Variants in NALF1 observed in about 807,000 individuals in gnomAD.
The protein encoded by NALF1 is family with sequence similarity 155 member A.
A neutral mutation model predicts 48.4 loss-of-function variants in NALF1; 3 were observed. The observed-to-expected ratio is 0.06, with a 90% CI of 0.03 to 0.16. The LOEUF (loss-of-function observed/expected upper bound fraction) is 0.16, where lower values mean the gene tolerates loss of function less well. NALF1 is among the 10% of genes least tolerant of loss of function. The pLI, the probability that NALF1 is intolerant of heterozygous loss-of-function variation, is 1.00. For missense variants in NALF1, 526 were observed against 571.5 expected (o/e 0.92, Z 0.81); for synonymous variants, 262 against 245.7 (o/e 1.07, Z -0.62).
intron 1 of NALF1, among the ~76,000 whole-genome samples, chr13:107,654,994 T>C (rs1880539463): frequency 6.6e-6 from 1 of 152,106 alleles, no homozygotes; most frequent in Non-Finnish European, 1.5e-5. Context: ...AGAAGGGACA[T>C]ACCTTAAGGT....
At chr13:107,579,605 T>TTTTC (rs1166213248) in intron 1 of NALF1, among the ~76,000 whole-genome samples, 12 of 86,366 alleles carry the variant, frequency 1.4e-4, no homozygotes, top group Non-Finnish European at 2.3e-4. Context: ...CTTTTCTTTT[T>TTTTC]AACCTTAAAT....
chr13:107,808,951 A>G (rs1308282514), intron 1 of NALF1, among the ~76,000 whole-genome samples: 2 of 152,142 alleles, frequency 1.3e-5, no homozygotes, highest in Non-Finnish European at 2.9e-5. Context: ...ACCTGCTTAT[A>G]TGAACTTCAA....
chr13:107,279,299 G>A (rs1017023952), intron 1 of NALF1, among the ~76,000 whole-genome samples: 1 of 151,428 alleles, frequency 6.6e-6, no homozygotes, highest in East Asian at 1.9e-4. Flanking sequence ...CTTGTTGCCC[G>A]GGCTGGAGGG....
At chr13:107,199,768 C>A (rs74983483) in intron 2 of NALF1, among the ~76,000 whole-genome samples, 2,430 of 152,284 alleles carry the variant, frequency 0.016, 65 homozygotes, top group African/African-American at 0.055. Flanking sequence ...ACAGCTTTGA[C>A]ATGAAATACT....
At chr13:107,486,024 A>G (rs1320678791) in intron 1 of NALF1, among the ~76,000 whole-genome samples, 2 of 152,202 alleles carry the variant, frequency 1.3e-5, no homozygotes, top group Non-Finnish European at 2.9e-5. Flanking sequence ...ATTTTTCCAT[A>G]CATTTGTGAA....
At chr13:107,316,207 T>G (rs1055140014) in intron 1 of NALF1, among the ~76,000 whole-genome samples, 9 of 152,184 alleles carry the variant, frequency 5.9e-5, no homozygotes, top group Admixed American at 5.9e-4. Flanking sequence ...TTCATCCATG[T>G]CCCTACAAAG....
At chr13:107,248,388 A>C (rs1880628703) in intron 1 of NALF1, among the ~76,000 whole-genome samples, 1 of 151,972 alleles carries the variant, frequency 6.6e-6, no homozygotes, top group Non-Finnish European at 1.5e-5. Flanking sequence ...TGGTTTAGTT[A>C]TCCAACTGCT....
chr13:107,440,044 T>C (rs774343405), intron 1 of NALF1, among the ~76,000 whole-genome samples: 12 of 152,332 alleles, frequency 7.9e-5, no homozygotes, highest in Middle Eastern at 3.4e-3. Flanking sequence ...TCTGATTTTG[T>C]CCATTATAAC....
At chr13:107,719,867 T>C (rs1482535455) in intron 1 of NALF1, among the ~76,000 whole-genome samples, 1 of 152,188 alleles carries the variant, frequency 6.6e-6, no homozygotes, top group East Asian at 1.9e-4. Context: ...TTGCCGAACT[T>C]CATTGCAAAT....
intron 1 of NALF1, among the ~76,000 whole-genome samples, chr13:107,792,946 T>G (rs1878294981): frequency 6.6e-6 from 1 of 152,166 alleles, no homozygotes; most frequent in Non-Finnish European, 1.5e-5. Flanking sequence ...GCACTAGGAT[T>G]ACAGGCGTGA....
At chr13:107,587,221 T>G (rs970729832) in intron 1 of NALF1, among the ~76,000 whole-genome samples, 2 of 152,060 alleles carry the variant, frequency 1.3e-5, no homozygotes, top group African/African-American at 4.8e-5. Context: ...CTCACAAGGC[T>G]TATAAGAGTT....
chr13:107,803,573 T>C (rs1878685313), intron 1 of NALF1, among the ~76,000 whole-genome samples: 1 of 152,154 alleles, frequency 6.6e-6, no homozygotes, highest in African/African-American at 2.4e-5. Context: ...TTGTACAGAA[T>C]TGTATCATGT....
chr13:107,795,385 C>CTATTTT (rs1878388537), intron 1 of NALF1, among the ~76,000 whole-genome samples: 2 of 152,018 alleles, frequency 1.3e-5, no homozygotes, highest in South Asian at 4.1e-4. Flanking sequence ...GAGTTAGGTG[C>CTATTTT]TATTTTTTTT....
At chr13:107,535,628 T>A (rs1876780387) in intron 1 of NALF1, among the ~76,000 whole-genome samples, 1 of 152,136 alleles carries the variant, frequency 6.6e-6, no homozygotes, top group Admixed American at 6.6e-5. Flanking sequence ...GAAGAATCAA[T>A]ATTGTGAAAA....
At chr13:107,655,546 G>A (rs1880554802) in intron 1 of NALF1, among the ~76,000 whole-genome samples, 1 of 152,104 alleles carries the variant, frequency 6.6e-6, no homozygotes, top group South Asian at 2.1e-4. Flanking sequence ...CATGCTCATG[G>A]ATGGCTAGAA....
chr13:107,526,318 C>G (rs532860763), intron 1 of NALF1, among the ~76,000 whole-genome samples: 1 of 152,094 alleles, frequency 6.6e-6, no homozygotes, highest in East Asian at 1.9e-4. Flanking sequence ...TGTGAGGATT[C>G]ATCTACTGAA....
chr13:107,826,490 G>A (rs561382101), intron 1 of NALF1, among the ~76,000 whole-genome samples: 1 of 152,358 alleles, frequency 6.6e-6, no homozygotes, highest in African/African-American at 2.4e-5. Flanking sequence ...ATGTATAACA[G>A]TCCAGTATGA....
intron 1 of NALF1, among the ~76,000 whole-genome samples, chr13:107,858,807 T>C (rs1880498668): frequency 6.6e-6 from 1 of 152,352 alleles, no homozygotes; most frequent in East Asian, 1.9e-4. Context: ...GATGTGATGA[T>C]TAAACAAATT....
At chr13:107,766,806 G>A (rs567122556) in intron 1 of NALF1, among the ~76,000 whole-genome samples, 20 of 152,304 alleles carry the variant, frequency 1.3e-4, no homozygotes, top group African/African-American at 4.8e-4. Flanking sequence ...GAAAGGCAGA[G>A]ACTGTGGACT....
Sources: gnomAD v4.1 joint callset for allele counts (sites outside exome capture counted in the v4.1 genomes callset) on GRCh38, gnomAD v4.1.1 for gene constraint, MANE v1.5 for transcripts, NCBI Gene and HGNC (gene_info 2026-07-23, HGNC 2026-07-21) for gene names.